Variants in GALNT2 observed in about 807,000 individuals in gnomAD.
GALNT2 encodes polypeptide N-acetylgalactosaminyltransferase 2.
In GALNT2, 31 loss-of-function variants were observed where a neutral mutation model predicts 81.4. The ratio of observed to expected loss-of-function variants is 0.38; its 90% CI spans 0.29 to 0.51. GALNT2 has a LOEUF of 0.51. Among genes scored for constraint, GALNT2 ranks in the 20% least tolerant of loss-of-function variants. GALNT2 has a pLI of 0.87. For synonymous variants in GALNT2, 303 were observed against 287.4 expected (o/e 1.05, Z -0.55); for missense variants, 629 against 765.7 (o/e 0.82, Z 2.11).
chr1:230,175,129 A>G (rs74143110), intron 1 of GALNT2, among the ~76,000 whole-genome samples: 18 of 152,352 alleles, frequency 1.2e-4, no homozygotes, highest in African/African-American at 4.3e-4. Flanking sequence ...CAAGACAAGC[A>G]TCTACAGACC....
intron 1 of GALNT2, among the ~76,000 whole-genome samples, chr1:230,147,330 T>C (rs1462395152): frequency 6.6e-6 from 1 of 152,250 alleles, no homozygotes; most frequent in Non-Finnish European, 1.5e-5. Context: ...GACTTCATTT[T>C]ATTCAACATT....
chr1:230,196,988 G>A (rs945540986), intron 2 of GALNT2, among the ~76,000 whole-genome samples: 4 of 152,088 alleles, frequency 2.6e-5, no homozygotes, highest in Non-Finnish European at 5.9e-5. Context: ...ATGGCTGATA[G>A]TAAAACTAAT....
chr1:230,104,633 G>A (rs1300962645), intron 1 of GALNT2, among the ~76,000 whole-genome samples: 3 of 152,218 alleles, frequency 2.0e-5, no homozygotes, highest in Non-Finnish European at 4.4e-5. Flanking sequence ...ATCCTGGAAT[G>A]CGTAATTCAC....
intron 11 of GALNT2, chr1:230,262,219 G>A (rs1665897865): frequency 4.6e-6 from 1 of 219,320 alleles, no homozygotes; most frequent in Non-Finnish European, 9.0e-6. Flanking sequence ...CGTAATGTGA[G>A]AGTTTTTAAA....
chr1:230,105,450 A>G (rs148676040), intron 1 of GALNT2, among the ~76,000 whole-genome samples: 2 of 152,128 alleles, frequency 1.3e-5, no homozygotes, highest in African/African-American at 2.4e-5. Flanking sequence ...TGCATCTTCC[A>G]TGGATGGTGT....
intron 1 of GALNT2, among the ~76,000 whole-genome samples, chr1:230,137,608 C>G (rs1027279488): frequency 6.6e-6 from 1 of 152,254 alleles, no homozygotes; most frequent in Non-Finnish European, 1.5e-5. Context: ...TACTTACATT[C>G]TCCTGATTCC....
At chr1:230,206,507 G>A (rs2102709664) in intron 3 of GALNT2, among the ~76,000 whole-genome samples, 1 of 152,278 alleles carries the variant, frequency 6.6e-6, no homozygotes, top group South Asian at 2.1e-4. Context: ...CCGATTTAAT[G>A]TCTCAAAGTG....
intron 3 of GALNT2, among the ~76,000 whole-genome samples, chr1:230,232,418 C>G (rs1664893512): frequency 6.6e-6 from 1 of 152,172 alleles, no homozygotes; most frequent in African/African-American, 2.4e-5. Flanking sequence ...CTTTCAAATG[C>G]TCCTGGGAGA....
intron 1 of GALNT2, among the ~76,000 whole-genome samples, chr1:230,074,981 C>T (rs1440313132): frequency 6.6e-6 from 1 of 152,202 alleles, no homozygotes; most frequent in African/African-American, 2.4e-5. Context: ...CTGGCTTGCT[C>T]CTGCTCCCTG....
chr1:230,198,072 A>G (rs1457191786), intron 2 of GALNT2, among the ~76,000 whole-genome samples: 2 of 152,226 alleles, frequency 1.3e-5, no homozygotes, highest in African/African-American at 4.8e-5. Context: ...TGAGATGTGT[A>G]AGAACTAACA....
At chr1:230,093,455 C>A (rs1303481156) in intron 1 of GALNT2, among the ~76,000 whole-genome samples, 3 of 152,196 alleles carry the variant, frequency 2.0e-5, no homozygotes, top group African/African-American at 7.2e-5. Context: ...CTGTAGCTAG[C>A]TTTCTGCAGT....
In GALNT2 at chr1:230,211,832, A is replaced by G. The variant is rs748470976; in HGVS notation, c.374+8542A>G. On this transcript the variant is annotated intron_variant, in intron 3 of 15. Coordinates refer to ENST00000366672, the MANE Select transcript of GALNT2 (RefSeq NM_004481.5). The stretch of plus-strand genomic sequence containing the variant: ...CTCCTGTAAAGTGGGTAGGGATGCT[A>G]TACTTCTGATGATGTCGTATACCAG... Among the ~76,000 whole-genome samples the G allele has an allele frequency of 8.1e-4, 123 of 152,240 alleles. 1 individual carries two copies. The highest frequency in any genetic ancestry group is 7.6e-4 in the Non-Finnish European group (52 of 68,038).
intron 3 of GALNT2, among the ~76,000 whole-genome samples, chr1:230,224,190 G>A (rs1664637539): frequency 6.6e-6 from 1 of 152,210 alleles, no homozygotes; most frequent in South Asian, 2.1e-4. Flanking sequence ...GCAGGACCAA[G>A]GGTGCCACTT....
chr1:230,280,265 G>A lies in GALNT2; in HGVS notation c.*807G>A. 1 of 320,972 alleles carries A rather than the reference G, an allele frequency of 3.1e-6. No individual in the cohort carries two copies. Among genetic ancestry groups the A allele is most frequent in the Non-Finnish European group, 6.2e-6 (1 of 161,780 alleles). 19.9% of individuals were successfully genotyped at this position (320,972 alleles called of 1,614,324 possible). Reference sequence around the variant, plus strand: ...TTGGTGCTACTGCTGTGGCCAGCTGGGGGGCTTCCTCCAGACCACCGGCCT... The same window carrying A: ...TTGGTGCTACTGCTGTGGCCAGCTGAGGGGCTTCCTCCAGACCACCGGCCT... On this transcript the variant is annotated 3_prime_UTR_variant, in exon 16 of 16. Coordinates refer to ENST00000366672, the MANE Select transcript of GALNT2 (RefSeq NM_004481.5).
intron 2 of GALNT2, among the ~76,000 whole-genome samples, chr1:230,188,428 G>A (rs1303492941): frequency 4.6e-5 from 7 of 152,186 alleles, no homozygotes; most frequent in Non-Finnish European, 7.3e-5. Flanking sequence ...GATGATGGCC[G>A]GGAGCTCTAG....
At chr1:230,170,714 A>G (rs1482840232) in intron 1 of GALNT2, among the ~76,000 whole-genome samples, 2 of 152,204 alleles carry the variant, frequency 1.3e-5, no homozygotes, top group Non-Finnish European at 2.9e-5. Context: ...ACTTTTCATC[A>G]TGGTAGAAGG....
chr1:230,138,976 ACCT>A (rs1448548861), intron 1 of GALNT2, among the ~76,000 whole-genome samples: 14 of 151,966 alleles, frequency 9.2e-5, no homozygotes, highest in Admixed American at 9.2e-4. Context: ...AGAACGCCTA[ACCT>A]CCTGGGAATG....
rs1453159390 is a variant in GALNT2 at position 230,271,728 on chromosome 1, G to A, written c.1441-2717G>A. On this transcript the variant is annotated intron_variant, in intron 14 of 15. Coordinates refer to ENST00000366672, the MANE Select transcript of GALNT2 (RefSeq NM_004481.5). The surrounding 1 kb of genome is among the most constrained non-coding windows in gnomAD (Gnocchi z 4.2). Reference sequence around the variant, plus strand: ...GCTGGACGGGAGAGATGCATAGCACGCGGTGTGGAGGTGGGGTGTTGGAGC... The same window carrying A: ...GCTGGACGGGAGAGATGCATAGCACACGGTGTGGAGGTGGGGTGTTGGAGC... Among the ~76,000 whole-genome samples the A allele has an allele frequency of 1.3e-5, 2 of 152,254 alleles. No homozygotes were observed. Among genetic ancestry groups the A allele is most frequent in the East Asian group, 1.9e-4 (1 of 5,202 alleles).
chr1:230,250,676 C>T (rs1421494644), intron 10 of GALNT2, 116 bp downstream of exon 10: 6 of 661,772 alleles, frequency 9.1e-6, no homozygotes, highest in Admixed American at 3.0e-5. Context: ...TGGGCTTAAT[C>T]GATCCTTGCA....
Sources: gnomAD v4.1 joint callset for allele counts (sites outside exome capture counted in the v4.1 genomes callset) on GRCh38, gnomAD v4.1.1 for gene constraint, Gnocchi (gnomAD v3.1) non-coding constraint, MANE v1.5 for transcripts, NCBI Gene and HGNC (gene_info 2026-07-23, HGNC 2026-07-21) for gene names.